MYO1A: variants seen among roughly 807,000 people sequenced by gnomAD.
The protein encoded by MYO1A is unconventional myosin-Ia.
A neutral mutation model predicts 138.5 loss-of-function variants in MYO1A; 127 were observed. That is an observed-to-expected ratio of 0.92 (90% CI 0.79 to 1.06). The LOEUF (loss-of-function observed/expected upper bound fraction) is 1.06, where lower values mean the gene tolerates loss of function less well. MYO1A is among the 50% of genes least tolerant of loss of function. The pLI is 0.00. For synonymous variants in MYO1A, 477 were observed against 497.5 expected (o/e 0.96, Z 0.55); for missense variants, 1,211 against 1,288.8 (o/e 0.94, Z 0.92).
Position 57,038,805 on chromosome 12 carries a change from T to A in MYO1A, c.1533+4A>T. 2 of 1,614,134 alleles carry A rather than the reference T, an allele frequency of 1.2e-6. No homozygotes were observed. The highest frequency in any genetic ancestry group is 1.7e-6 in the Non-Finnish European group (2 of 1,180,028). On this transcript the variant is annotated splice_donor_region_variant and intron_variant, in intron 16 of 27. Coordinates refer to ENST00000300119, the MANE Select transcript of MYO1A (RefSeq NM_005379.4). ...ATCTCTGCCCTCCAGCCCTGCCATT[T>A]CACCTTGCCCGCATAGTGGCAGATG...
At chr12:57,049,301 G>T (rs1225191179) in intron 1 of MYO1A, among the ~76,000 whole-genome samples, 1 of 152,208 alleles carries the variant, frequency 6.6e-6, no homozygotes, top group East Asian at 1.9e-4. Flanking sequence ...GAGTGGCCAG[G>T]CACAGGACAG....
At position 57,030,314 on chromosome 12, in the gene MYO1A, G is replaced by A; in HGVS notation, c.2487C>T (p.Cys829=). 1 of 1,612,866 alleles carries A rather than the reference G, an allele frequency of 6.2e-7. No individual in the cohort carries two copies. Among genetic ancestry groups the A allele is most frequent in the African/African-American group, 1.3e-5 (1 of 75,000 alleles). ...GGGACAGCTGATCCCGGAACCTCTT[G>A]CACTGTGAGGAAGGAGGGACAGGAG... ...ELQQLFYQWK[C]KRFRDQLSPK... The change falls in exon 24 of 28, where the codon TGC becomes TGT. Residue 829 remains cysteine, a splice_region_variant and synonymous_variant. Transcript: ENST00000300119.
intron 8 of MYO1A, 71 bp downstream of exon 8, chr12:57,046,480 TG>T: frequency 8.5e-7 from 1 of 1,180,598 alleles, no homozygotes; most frequent in Non-Finnish European, 1.3e-6. Flanking sequence ...ACAGGGGTTC[TG>T]GGACTGAATG....
intron 8 of MYO1A, 98 bp from the exon 9 acceptor site, chr12:57,044,307 A>C (rs958732687): frequency 1.1e-6 from 1 of 939,490 alleles, no homozygotes; most frequent in Admixed American, 2.0e-5. Flanking sequence ...GGATTCATTC[A>C]CTTATCCAAA....
Position 57,037,814 on chromosome 12 carries a change from G to A in MYO1A, c.1961+55C>T, listed in dbSNP as rs963963415. The A allele has an allele frequency of 6.3e-6, 10 of 1,590,356 alleles. No individual in the cohort carries two copies. The East Asian group carries it at 1.1e-4, about 18-fold the overall frequency. On this transcript the variant is annotated intron_variant, in intron 18 of 27. Transcript: ENST00000300119. ...CTGCACCTCCAGGTCTCTTCCCCCA[G>A]AGATGTTTCCTGCACTGCCCTTTCC... is the stretch of plus-strand genomic sequence containing the variant.
In MYO1A at chr12:57,043,228, T is replaced by C; in HGVS notation, c.1011+12A>G. Reference sequence around the variant, plus strand: ...GTCGAAACAGCCCCCTCCACTCCAGTGAGCTCCTTACCTGCATAACATTCA... The same window carrying C: ...GTCGAAACAGCCCCCTCCACTCCAGCGAGCTCCTTACCTGCATAACATTCA... On this transcript the variant is annotated intron_variant, in intron 11 of 27. Coordinates refer to ENST00000300119, the MANE Select transcript of MYO1A (RefSeq NM_005379.4). The C allele has an allele frequency of 6.2e-7, 1 of 1,613,238 alleles. No individual in the cohort carries two copies. Among genetic ancestry groups the C allele is most frequent in the Non-Finnish European group, 8.5e-7 (1 of 1,179,128 alleles).
chr12:57,028,793 T>C lies in MYO1A; in HGVS notation c.3094A>G (p.Lys1032Glu), dbSNP rs1421495960. 1 of 1,613,988 alleles carries C rather than the reference T, an allele frequency of 6.2e-7. No homozygotes were observed. The highest frequency in any genetic ancestry group is 1.7e-5 in the Admixed American group (1 of 59,994). The change falls in exon 28 of 28, where the codon AAA becomes GAA. Residue 1032 changes from lysine to glutamate, a missense_variant. Lys to Glu is a moderately conservative substitution (Grantham distance 56). Coordinates refer to ENST00000300119, the MANE Select transcript of MYO1A (RefSeq NM_005379.4). ...ACCTCCAAGCAATGACTCCCCTTTTTTTTGTAGCGTAGCTTGCTGTTGTCA... is the reference window on the plus strand; with the variant it reads ...ACCTCCAAGCAATGACTCCCCTTTTCTTTGTAGCGTAGCTTGCTGTTGTCA... ...GGDNSKLRYKKKGSHCLEVTV... is the reference protein window; with the variant it reads ...GGDNSKLRYKEKGSHCLEVTV...
chr12:57,028,843 T>G lies in MYO1A; in HGVS notation c.3044A>C (p.Lys1015Thr), dbSNP rs777142608. 6.2e-7 allele frequency: 1 copy of G among 1,614,032 alleles called. No homozygotes were observed. The highest frequency in any genetic ancestry group is 8.5e-7 in the Non-Finnish European group (1 of 1,179,976). Residue 1015 changes from lysine (K) to threonine (T), a missense_variant, in exon 28 of 28, where the codon AAG becomes ACG. Transcript: ENST00000300119. ...VRFKENSVAV[K>T]VVQGPAGGDN... The stretch of plus-strand genomic sequence containing the variant: ...ACCACCTGCAGGGCCCTGGACGACC[T>G]TGACAGCCACACTGTTCTCCTTGAA...
At chr12:57,036,872 G>A (rs371543317) in intron 20 of MYO1A, 32 bp from the exon 21 acceptor site, 7 of 1,613,944 alleles carry the variant, frequency 4.3e-6, no homozygotes, top group African/African-American at 2.7e-5. Context: ...TTAGAAAAAT[G>A]GCACCTCCTG....
At chr12:57,038,371 A>G in intron 17 of MYO1A, 41 bp downstream of exon 17, 1 of 1,601,468 alleles carries the variant, frequency 6.2e-7, no homozygotes, top group East Asian at 2.2e-5. Flanking sequence ...TGCACGTGCC[A>G]TCACATATGT....
At chr12:57,033,176 A>G (rs2030367975) in intron 22 of MYO1A, among the ~76,000 whole-genome samples, 1 of 152,094 alleles carries the variant, frequency 6.6e-6, no homozygotes, top group Non-Finnish European at 1.5e-5. Flanking sequence ...CACCTAAGAA[A>G]ATCAACATCA....
intron 23 of MYO1A, among the ~76,000 whole-genome samples, chr12:57,030,569 G>A (rs1225766080): frequency 6.6e-6 from 1 of 150,680 alleles, no homozygotes; most frequent in African/African-American, 2.5e-5. Context: ...CAGCTCTCAG[G>A]GCAAGGCTTA....
At chr12:57,033,531 A>T (rs982934011) in intron 22 of MYO1A, among the ~76,000 whole-genome samples, 1 of 151,494 alleles carries the variant, frequency 6.6e-6, no homozygotes, top group African/African-American at 2.4e-5. Context: ...TAATTTTTAA[A>T]TTTTTTTTGT....
upstream of MYO1A, among the ~76,000 whole-genome samples, chr12:57,050,423 T>C (rs551590357): frequency 4.7e-4 from 71 of 152,318 alleles, no homozygotes; most frequent in African/African-American, 1.6e-3. Flanking sequence ...CGGTTGCTCA[T>C]GCCTATACTC....
At chr12:57,050,582 C>T (rs941857078), upstream of MYO1A, 5 of 152,252 alleles carry the variant, frequency 3.3e-5, no homozygotes, top group Admixed American at 6.5e-5. Context: ...CCTATCTTAT[C>T]GGGAGTCAGG....
chr12:57,041,188 C>A lies in MYO1A; in HGVS notation c.1265G>T (p.Arg422Ile). Residue 422 changes from arginine to isoleucine, a missense_variant, in exon 14 of 28, where the codon AGA becomes ATA. Arg to Ile is a moderately conservative substitution (Grantham distance 97). Coordinates refer to ENST00000300119, the MANE Select transcript of MYO1A (RefSeq NM_005379.4). Reference protein sequence around the residue: ...TLKEEQEEYKREGIPWTKVDY... With the variant: ...TLKEEQEEYKIEGIPWTKVDY... The stretch of plus-strand genomic sequence containing the variant: ...AGTAGAAAAGACTTGGTTTACTTCT[C>A]TCTTATATTCCTCTTGCTCTTCTTT... 6.2e-7 allele frequency: 1 copy of A among 1,611,846 alleles called. No individual in the cohort carries two copies. The highest frequency in any genetic ancestry group is 1.1e-5 in the South Asian group (1 of 91,006).
Position 57,041,462 on chromosome 12 carries a change from G to A in MYO1A, c.1134C>T (p.Val378=). The change falls in exon 13 of 28, where the codon GTC becomes GTT. Residue 378 remains valine (V), a synonymous_variant. Coordinates refer to ENST00000300119, the MANE Select transcript of MYO1A (RefSeq NM_005379.4). ...ATATCTCAAAACCGTAGATATCAAG[G>A]ACTCCCATTACCTTCTTCTTTTCCC... is the stretch of plus-strand genomic sequence containing the variant. ...GIGEKKKVMG[V]LDIYGFEILE... 4 of 1,613,828 alleles carry A rather than the reference G, an allele frequency of 2.5e-6. No individual in the cohort carries two copies. The highest frequency in any genetic ancestry group is 3.4e-6 in the Non-Finnish European group (4 of 1,179,756).
rs760234855 is a variant in MYO1A at position 57,029,121 on chromosome 12, C to T, written c.3005+11G>A. The T allele has an allele frequency of 1.2e-6, 2 of 1,614,142 alleles. No individual in the cohort carries two copies. The highest frequency in any genetic ancestry group is 8.5e-7 in the Non-Finnish European group (1 of 1,180,034). On this transcript the variant is annotated intron_variant, in intron 27 of 27. Coordinates refer to ENST00000300119, the MANE Select transcript of MYO1A (RefSeq NM_005379.4). The stretch of plus-strand genomic sequence containing the variant: ...CGTAAGCCGCCCCTCACCCCCAGTT[C>T]ATGGCCTCACTTCTCAGTCACGGTG...
chr12:57,033,848 T>G (rs1259774024), intron 22 of MYO1A, among the ~76,000 whole-genome samples: 1 of 152,260 alleles, frequency 6.6e-6, no homozygotes, highest in Admixed American at 6.5e-5. Context: ...TGCTGTTAAC[T>G]GCAGGAACTA....
Sources: gnomAD v4.1 joint callset for allele counts (sites outside exome capture counted in the v4.1 genomes callset) on GRCh38, gnomAD v4.1.1 for gene constraint, MANE v1.5 for transcripts, NCBI Gene and HGNC (gene_info 2026-07-23, HGNC 2026-07-21) for gene names.